FGF1: variants seen among roughly 807,000 people sequenced by gnomAD.
FGF1 encodes the protein fibroblast growth factor 1.
A neutral mutation model predicts 13.4 loss-of-function variants in FGF1; 9 were observed. The observed-to-expected ratio is 0.67, with a 90% confidence interval of 0.40 to 1.17. The LOEUF (loss-of-function observed/expected upper bound fraction) is 1.17. Among genes scored for constraint, FGF1 ranks in the 50% most tolerant of loss-of-function variants. The probability of loss-of-function intolerance (pLI) is 0.01; values close to 1 mark genes in which losing one functional copy is unlikely to be tolerated. For missense variants in FGF1, 156 were observed against 192.7 expected (o/e 0.81, Z 1.13); for synonymous variants, 93 against 79.0 (o/e 1.18, Z -0.94).
intron 1 of FGF1, among the ~76,000 whole-genome samples, chr5:142,615,706 C>T (rs1283931096): frequency 6.6e-6 from 1 of 152,214 alleles, no homozygotes; most frequent in African/African-American, 2.4e-5. Flanking sequence ...TTTAATAAAA[C>T]CAAAGCTTAC....
At chr5:142,646,199 G>A (rs1311406588) in intron 1 of FGF1, among the ~76,000 whole-genome samples, 39 of 136,638 alleles carry the variant, frequency 2.9e-4, no homozygotes, top group Non-Finnish European at 5.2e-4. Flanking sequence ...GTGAGCCACC[G>A]CACCTGGCCT....
chr5:142,631,608 T>C (rs967889328), intron 1 of FGF1, among the ~76,000 whole-genome samples: 4 of 152,160 alleles, frequency 2.6e-5, no homozygotes, highest in African/African-American at 9.7e-5. Context: ...AGTGATAAGA[T>C]AGAAATCAAG....
upstream of FGF1, among the ~76,000 whole-genome samples, chr5:142,689,629 C>G (rs1195842633): frequency 6.6e-6 from 1 of 151,186 alleles, no homozygotes; most frequent in Non-Finnish European, 1.5e-5. Flanking sequence ...CCCATGAGAG[C>G]TGGGTTTCCT....
intron 1 of FGF1, among the ~76,000 whole-genome samples, chr5:142,614,665 G>T (rs1759833536): frequency 6.6e-6 from 1 of 152,166 alleles, no homozygotes; most frequent in Non-Finnish European, 1.5e-5. Context: ...TGCAGCCAAA[G>T]GCACAGGAGG....
chr5:142,624,596 T>C (rs563960392), intron 1 of FGF1, among the ~76,000 whole-genome samples: 6 of 152,210 alleles, frequency 3.9e-5, no homozygotes, highest in Admixed American at 6.5e-5. Context: ...TAATTTAGGA[T>C]ACTTTTAATT....
At chr5:142,664,325 A>T (rs761808387) in intron 1 of FGF1, among the ~76,000 whole-genome samples, 23 of 152,170 alleles carry the variant, frequency 1.5e-4, no homozygotes, top group Non-Finnish European at 2.1e-4. Context: ...GTTGCCAAGG[A>T]CAGATCTAGG....
chr5:142,612,460 A>C (rs915189315), intron 2 of FGF1, among the ~76,000 whole-genome samples: 3 of 152,190 alleles, frequency 2.0e-5, no homozygotes, highest in African/African-American at 7.2e-5. Context: ...GTTAAGACGT[A>C]TTAGGAACAC....
chr5:142,669,902 C>T (rs556130378), intron 1 of FGF1, among the ~76,000 whole-genome samples: 1 of 152,120 alleles, frequency 6.6e-6, no homozygotes, highest in African/African-American at 2.4e-5. Flanking sequence ...AGAGGAGCAA[C>T]CCCAGGATCC....
intron 1 of FGF1, among the ~76,000 whole-genome samples, chr5:142,682,085 AT>A (rs371659888): frequency 0.042 from 5,691 of 134,810 alleles, 104 homozygotes; most frequent in African/African-American, 0.076. Flanking sequence ...TTTCTCCTCT[AT>A]TTTTTTTTTT....
intron 1 of FGF1, among the ~76,000 whole-genome samples, chr5:142,637,359 G>A (rs2339245): frequency 0.2 from 30,240 of 147,992 alleles, 3,597 homozygotes; most frequent in African/African-American, 0.3. Flanking sequence ...TTGCTCTGTC[G>A]CCCAGGCTGG....
chr5:142,669,045 C>T (rs556660184), intron 1 of FGF1, among the ~76,000 whole-genome samples: 2 of 152,380 alleles, frequency 1.3e-5, no homozygotes, highest in East Asian at 1.9e-4. Flanking sequence ...AGGGCATCTT[C>T]GCCCAGCATG....
chr5:142,623,302 G>A (rs552151247), intron 1 of FGF1, among the ~76,000 whole-genome samples: 30 of 151,670 alleles, frequency 2.0e-4, no homozygotes, highest in Admixed American at 3.3e-4. Context: ...GTAAGCATTC[G>A]ATAGATATTA....
Position 142,593,331 on chromosome 5 carries a change from C to T in FGF1, c.*1959G>A, listed in dbSNP as rs567902830. On this transcript the variant is annotated 3_prime_UTR_variant, in exon 4 of 4. Transcript: ENST00000337706. ...ATTTACTAAAATAAAACAGATTGAT[C>T]TTATCCAAGTAACAAAAACAAAAAA... The T allele has an allele frequency of 2.0e-5, 3 of 152,290 alleles. No individual in the cohort carries two copies. The highest frequency in any genetic ancestry group is 1.3e-4 in the Admixed American group (2 of 15,288). 9.4% of individuals were successfully genotyped at this position (152,290 alleles called of 1,614,324 possible).
intron 3 of FGF1, 24 bp from the exon 4 acceptor site, chr5:142,595,508 A>G (rs751830430): frequency 4.4e-6 from 7 of 1,598,118 alleles, no homozygotes; most frequent in Non-Finnish European, 6.0e-6. Flanking sequence ...ACCAAAAGAG[A>G]GTAGGACAAT....
chr5:142,592,216 G>A lies in FGF1; in HGVS notation c.*3074C>T, dbSNP rs995523562. The A allele has an allele frequency of 5.0e-6, 2 of 397,134 alleles. No individual in the cohort carries two copies. Among genetic ancestry groups the A allele is most frequent in the East Asian group, 3.6e-5 (1 of 28,038 alleles). The allele number at this position is 397,134 out of a possible 1,614,324, so 24.6% of individuals were successfully genotyped here. ...GAACATTTATTAATATTTGTAAGGTGCAGACTATGATACACAAAAAGACAG... is the reference window on the plus strand; with the variant it reads ...GAACATTTATTAATATTTGTAAGGTACAGACTATGATACACAAAAAGACAG... On this transcript the variant is annotated 3_prime_UTR_variant, in exon 4 of 4. Coordinates refer to ENST00000337706, the MANE Select transcript of FGF1 (RefSeq NM_000800.5).
intron 1 of FGF1, among the ~76,000 whole-genome samples, chr5:142,652,580 G>A (rs900271772): frequency 2.0e-5 from 3 of 152,210 alleles, no homozygotes; most frequent in African/African-American, 4.8e-5. Context: ...GGAGCCCCAT[G>A]GTGTTCTTTG....
intron 1 of FGF1, among the ~76,000 whole-genome samples, chr5:142,619,477 C>A (rs542092045): frequency 6.6e-6 from 1 of 152,232 alleles, no homozygotes; most frequent in East Asian, 1.9e-4. Context: ...TTAATTCTTC[C>A]TTAGAGATAT....
chr5:142,684,916 A>ACAT (rs1774402495), intron 1 of FGF1, among the ~76,000 whole-genome samples: 1 of 148,470 alleles, frequency 6.7e-6, no homozygotes, highest in East Asian at 2.1e-4. Flanking sequence ...AGTGCCAGTC[A>ACAT]CCAGTGCAGA....
chr5:142,683,905 A>G (rs1342292647), intron 1 of FGF1, among the ~76,000 whole-genome samples: 1 of 150,388 alleles, frequency 6.6e-6, no homozygotes, highest in Non-Finnish European at 1.5e-5. Context: ...ACATCTCCCC[A>G]TGATCTTTTT....
Sources: allele counts gnomAD v4.1 joint callset (sites outside exome capture counted in the v4.1 genomes callset), GRCh38; gene constraint gnomAD v4.1.1; transcripts MANE v1.5; gene names NCBI Gene and HGNC (gene_info 2026-07-23, HGNC 2026-07-21).